Variants in MRTO4 observed in about 807,000 individuals in gnomAD.
MRTO4 encodes the protein mRNA turnover protein 4 homolog.
MRTO4 carries 7 observed loss-of-function variants against 28.6 expected under a neutral mutation model. The observed-to-expected ratio is 0.24, with a 90% CI of 0.14 to 0.46. MRTO4 has a LOEUF of 0.46. Ranked by LOEUF, MRTO4 falls within the 20% of genes least tolerant of loss-of-function variation. The pLI, the probability that MRTO4 is intolerant of heterozygous loss-of-function variation, is 0.99. For synonymous variants in MRTO4, 113 were observed against 108.2 expected, an observed-to-expected ratio of 1.04 and a Z score of -0.27; for missense variants, 302 against 298.3, an observed-to-expected ratio of 1.01 and a Z score of -0.09.
rs752234709 is a variant in MRTO4, at chr1:19,258,759, C to T, written c.649C>T (p.Gln217Ter). ...MWDSQSGRFQ[Q>*]MGDDLPESAS... The stretch of plus-strand genomic sequence containing the variant: ...GGATTCACAGTCGGGAAGGTTCCAG[C>T]AGATGGGAGACGACTTGCCAGAGAG... The change falls in exon 8 of 8, where the codon CAG (glutamine) becomes TAG (stop). Residue 217 changes from glutamine (Q) to a stop codon, truncating the protein, a stop_gained. Coordinates refer to ENST00000330263, the MANE Select transcript of MRTO4 (RefSeq NM_016183.4). LOFTEE classifies it high-confidence loss of function. 2 of 1,614,168 alleles carry T rather than the reference C, an allele frequency of 1.2e-6. No individual in the cohort carries two copies. The highest frequency in any genetic ancestry group is 1.7e-6 in the Non-Finnish European group (2 of 1,180,036).
At chr1:19,254,579 G>A (rs2093668752) in intron 1 of MRTO4, among the ~76,000 whole-genome samples, 1 of 152,088 alleles carries the variant, frequency 6.6e-6, no homozygotes, top group Non-Finnish European at 1.5e-5. Flanking sequence ...GGATCTTCAG[G>A]CCCAGGAATG....
rs1446031002 is a variant in MRTO4, at chr1:19,258,541, G to A, written c.558G>A (p.Gln186=). Reference sequence around the variant, plus strand: ...AGGGCGATGTGCTGACCCCAGAGCAGGCTCGCGTCCTGGTGAGTCTGGCGC... The same window carrying A: ...AGGGCGATGTGCTGACCCCAGAGCAAGCTCGCGTCCTGGTGAGTCTGGCGC... ...CKEGDVLTPE[Q]ARVLKLFGYE... is the part of the protein sequence containing the mutation. The change falls in exon 7 of 8, where the codon CAG becomes CAA. Residue 186 remains glutamine (Q), a synonymous_variant. Transcript: ENST00000330263. 1.2e-6 allele frequency: 2 copies of A among 1,613,986 alleles called. No individual in the cohort carries two copies. The highest frequency in any genetic ancestry group is 2.7e-5 in the African/African-American group (2 of 74,942).
chr1:19,257,498 C>T lies in MRTO4; in HGVS notation c.318C>T (p.Asn106=). ...GTGAGGTGGGTCTCCTGTTCACCAA[C>T]CGCACAAAGGAGGAGGTGAATGAGT... is the stretch of plus-strand genomic sequence containing the variant. ...LRGEVGLLFT[N]RTKEEVNEWF... The change falls in exon 5 of 8, where the codon AAC becomes AAT. Residue 106 remains asparagine (N), a synonymous_variant. Coordinates refer to ENST00000330263, the MANE Select transcript of MRTO4 (RefSeq NM_016183.4). The T allele has an allele frequency of 6.2e-7, 1 of 1,614,228 alleles. No homozygotes were observed. Among genetic ancestry groups the T allele is most frequent in the South Asian group, 1.1e-5 (1 of 91,084 alleles).
chr1:19,253,893 G>A (rs568142988), intron 1 of MRTO4, among the ~76,000 whole-genome samples: 15 of 152,300 alleles, frequency 9.8e-5, no homozygotes, highest in African/African-American at 3.6e-4. Flanking sequence ...AAACTCTGTG[G>A]GTAGAGGGCA....
chr1:19,256,118 A>G, intron 3 of MRTO4, 67 bp downstream of exon 3: 1 of 1,421,766 alleles, frequency 7.0e-7, no homozygotes, highest in South Asian at 1.2e-5. Flanking sequence ...CAGTCAAAGC[A>G]CAGGAGCAAT....
chr1:19,252,123 G>A, intron 1 of MRTO4: 1 of 539,840 alleles, frequency 1.9e-6, no homozygotes, highest in South Asian at 2.4e-5. Context: ...TGGGTCGGGA[G>A]GCAGCTCCTG....
chr1:19,258,439 C>T (rs756676889), intron 6 of MRTO4, 38 bp from the exon 7 acceptor site: 1 of 1,611,260 alleles, frequency 6.2e-7, no homozygotes, highest in East Asian at 2.2e-5. Context: ...CTGCAGGCCT[C>T]TGGGCCAGAG....
At chr1:19,252,190 C>T (rs2093662505) in intron 1 of MRTO4, 2 of 405,178 alleles carry the variant, frequency 4.9e-6, no homozygotes, top group Non-Finnish European at 8.9e-6. Flanking sequence ...CAACTTCGGC[C>T]CTTTCTCATC....
At chr1:19,257,015 G>C (rs1434705526) in intron 3 of MRTO4, 49 bp from the exon 4 acceptor site, 1 of 1,578,926 alleles carries the variant, frequency 6.3e-7, no homozygotes, top group African/African-American at 1.3e-5. Context: ...TGAGGGATGG[G>C]GAGGGCAGGG....
Position 19,251,863 on chromosome 1 carries a change from G to A in MRTO4, c.28G>A (p.Val10Ile). The change falls in exon 1 of 8, where the codon GTC becomes ATC. Residue 10 changes from valine (V) to isoleucine (I), a missense_variant and splice_region_variant. Coordinates refer to ENST00000330263, the MANE Select transcript of MRTO4 (RefSeq NM_016183.4). Reference sequence around the variant, plus strand: ...GCCCAAATCCAAGCGCGACAAGAAAGGTGGGCGAAGGGGGAGTCGGGACCC... The same window carrying A: ...GCCCAAATCCAAGCGCGACAAGAAAAGTGGGCGAAGGGGGAGTCGGGACCC... Reference protein sequence around the residue: MPKSKRDKKVSLTKTAKKGL... With the variant: MPKSKRDKKISLTKTAKKGL... 2 of 1,591,838 alleles carry A rather than the reference G, an allele frequency of 1.3e-6. No individual in the cohort carries two copies. The highest frequency in any genetic ancestry group is 1.7e-6 in the Non-Finnish European group (2 of 1,169,824).
In MRTO4 at chr1:19,258,928, C is replaced by G. The variant is rs2093675954; in HGVS notation, c.*98C>G. 2.9e-6 allele frequency: 4 copies of G among 1,383,700 alleles called. No individual in the cohort carries two copies. In the East Asian group the frequency reaches 9.9e-5, roughly 34 times the overall value. The allele number at this position is 1,383,700 out of a possible 1,614,324, so 85.7% of individuals were successfully genotyped here. ...CTGGAGAGAGCAGCTTTTTATTTGT[C>G]TGTAGACAGGGAACATGATGGGCAC... On this transcript the variant is annotated 3_prime_UTR_variant, in exon 8 of 8. Transcript: ENST00000330263.
chr1:19,257,370 C>T, intron 4 of MRTO4, 84 bp from the exon 5 acceptor site: 5 of 1,507,030 alleles, frequency 3.3e-6, no homozygotes, highest in Non-Finnish European at 4.6e-6. Flanking sequence ...TAAATGTTGC[C>T]AAATGTACCC....
intron 1 of MRTO4, 123 bp downstream of exon 1, chr1:19,251,986 G>A (rs2093661697): frequency 1.5e-6 from 2 of 1,333,070 alleles, no homozygotes; most frequent in Non-Finnish European, 2.0e-6. Flanking sequence ...GAGGTGTTCC[G>A]CTGCCTCGCT....
At chr1:19,257,669 CCT>C (rs1263263464) in intron 5 of MRTO4, 148 bp downstream of exon 5, 5 of 1,326,006 alleles carry the variant, frequency 3.8e-6, no homozygotes, top group Non-Finnish European at 5.3e-6. Flanking sequence ...GGACCACAGC[CCT>C]CTCTGTCCTC....
rs1338964430 is a variant in MRTO4, at chr1:19,257,355, G to T, written c.274-99G>T. On this transcript the variant is annotated intron_variant, in intron 4 of 7. Coordinates refer to ENST00000330263, the MANE Select transcript of MRTO4 (RefSeq NM_016183.4). Reference sequence around the variant, plus strand: ...CCTTCCTGCTATGACAACCAAAAACGTCTTTAAATGTTGCCAAATGTACCC... The same window carrying T: ...CCTTCCTGCTATGACAACCAAAAACTTCTTTAAATGTTGCCAAATGTACCC... 4 of 1,417,092 alleles carry T rather than the reference G, an allele frequency of 2.8e-6. No homozygotes were observed. In the South Asian group the frequency reaches 3.4e-5, roughly 12 times the overall value. 87.8% of individuals were successfully genotyped at this position (1,417,092 alleles called of 1,614,324 possible).
intron 1 of MRTO4, among the ~76,000 whole-genome samples, chr1:19,254,503 T>G (rs1048889031): frequency 1.5e-4 from 23 of 152,036 alleles, no homozygotes; most frequent in Admixed American, 6.5e-4. Context: ...TGCAATCAAG[T>G]TTTTTGGGTC....
intron 1 of MRTO4, among the ~76,000 whole-genome samples, chr1:19,252,815 T>G (rs574312353): frequency 7.3e-6 from 1 of 136,702 alleles, no homozygotes; most frequent in South Asian, 2.2e-4. Flanking sequence ...CACACCCAGC[T>G]AGGTTTTTTT....
chr1:19,257,376 T>C (rs558578412), intron 4 of MRTO4, 78 bp from the exon 5 acceptor site: 12 of 1,525,600 alleles, frequency 7.9e-6, no homozygotes, highest in Non-Finnish European at 1.1e-5. Context: ...TTGCCAAATG[T>C]ACCCGGTGAG....
Position 19,257,519 on chromosome 1 carries a change from T to C in MRTO4, c.339T>C (p.Asn113=), listed in dbSNP as rs774910608. The change falls in exon 5 of 8, where the codon AAT becomes AAC. Residue 113 remains asparagine (N), a splice_region_variant and synonymous_variant. Coordinates refer to ENST00000330263, the MANE Select transcript of MRTO4 (RefSeq NM_016183.4). ...CCAACCGCACAAAGGAGGAGGTGAA[T>C]GAGTAAGTACTGCTGAGGAACGGAG... ...LFTNRTKEEV[N]EWFTKYTEMD... is the part of the protein sequence containing the mutation. 4 of 1,613,972 alleles carry C rather than the reference T, an allele frequency of 2.5e-6. No individual in the cohort carries two copies. In the Admixed American group the frequency reaches 6.7e-5, roughly 27 times the overall value.
Sources: gnomAD v4.1 joint callset for allele counts (sites outside exome capture counted in the v4.1 genomes callset) on GRCh38, gnomAD v4.1.1 for gene constraint, MANE v1.5 for transcripts, NCBI Gene and HGNC (gene_info 2026-07-23, HGNC 2026-07-21) for gene names.